The following CCSER1 variants were observed in gnomAD, a reference collection of about 807,000 sequenced individuals.
CCSER1 encodes coiled-coil serine rich protein 1, also known as serine-rich coiled-coil domain-containing protein 1.
Under a neutral mutation model 82.0 loss-of-function variants are expected in CCSER1, and 41 were observed. The observed-to-expected ratio is 0.50, with a 90% confidence interval of 0.39 to 0.65. CCSER1 has a LOEUF of 0.65. Among genes scored for constraint, CCSER1 ranks in the 30% least tolerant of loss-of-function variants. CCSER1 has a pLI of 0.00. For synonymous variants in CCSER1, 414 were observed against 383.9 expected (o/e 1.08, Z -0.92); for missense variants, 1,119 against 1,064.2 (o/e 1.05, Z -0.72).
intron 10 of CCSER1, among the ~76,000 whole-genome samples, chr4:91,506,817 T>C (rs79007058): frequency 0.065 from 9,923 of 152,216 alleles, 452 homozygotes; most frequent in South Asian, 0.17. Flanking sequence ...GCAGTCGGTC[T>C]CCCAAACCCT....
intron 5 of CCSER1, among the ~76,000 whole-genome samples, chr4:90,512,890 A>G (rs929836497): frequency 1.3e-5 from 2 of 152,200 alleles, no homozygotes; most frequent in African/African-American, 4.8e-5. Context: ...CAAATAACAC[A>G]TTTATTTATC....
chr4:90,852,250 G>A (rs1418933309), intron 8 of CCSER1, among the ~76,000 whole-genome samples: 1 of 152,176 alleles, frequency 6.6e-6, no homozygotes, highest in Non-Finnish European at 1.5e-5. Flanking sequence ...GTATAATTAT[G>A]GCTCATTGAA....
intron 10 of CCSER1, among the ~76,000 whole-genome samples, chr4:91,397,308 C>A (rs1752050064): frequency 1.3e-5 from 2 of 151,906 alleles, no homozygotes; most frequent in African/African-American, 4.8e-5. Context: ...ATATAAGAAA[C>A]AAACCATTTT....
intron 3 of CCSER1, among the ~76,000 whole-genome samples, chr4:90,322,170 T>C (rs1737268032): frequency 6.6e-6 from 1 of 152,166 alleles, no homozygotes; most frequent in Non-Finnish European, 1.5e-5. Flanking sequence ...TGGCAAGAGA[T>C]AGGCGTGTAG....
intron 10 of CCSER1, among the ~76,000 whole-genome samples, chr4:91,411,491 CATATATATATATATATATATATAT>C (rs770013398): frequency 1.9e-5 from 1 of 53,812 alleles, no homozygotes; most frequent in East Asian, 1.4e-3. Flanking sequence ...TGCATATATA[CATATATATATATATATATATATAT>C]ATATATATAT....
intron 4 of CCSER1, among the ~76,000 whole-genome samples, chr4:90,403,379 G>A (rs1578293943): frequency 6.7e-6 from 1 of 149,510 alleles, no homozygotes; most frequent in Non-Finnish European, 1.5e-5. Context: ...GGCGCCTGTA[G>A]TCCCAGCTAC....
At position 90,431,665 on chromosome 4, in the gene CCSER1, C is replaced by T. The variant is rs149738955; in HGVS notation, c.1603+31536C>T. On this transcript the variant is annotated intron_variant, in intron 4 of 10. Transcript: ENST00000509176. ...TTGCTTTTTATTAGTGTAGCCCTAACGTTCACTCAGTATTTGTATATCTTC... is the reference window on the plus strand; with the variant it reads ...TTGCTTTTTATTAGTGTAGCCCTAATGTTCACTCAGTATTTGTATATCTTC... Among the ~76,000 whole-genome samples the T allele has an allele frequency of 8.2e-3, 1,252 of 152,124 alleles. 60 individuals carry two copies. The highest frequency in any genetic ancestry group is 0.076 in the Admixed American group (1,157 of 15,240).
At chr4:90,466,866 T>C (rs1578617141) in intron 4 of CCSER1, among the ~76,000 whole-genome samples, 1 of 152,296 alleles carries the variant, frequency 6.6e-6, no homozygotes, top group East Asian at 1.9e-4. Context: ...TTGATATTTT[T>C]CCAATATAAA....
intron 10 of CCSER1, among the ~76,000 whole-genome samples, chr4:91,547,178 C>T (rs13108917): frequency 0.64 from 97,321 of 151,064 alleles, 31,511 homozygotes; most frequent in East Asian, 0.73. Context: ...TTGGAAAATG[C>T]TCCATATGAG....
intron 1 of CCSER1, among the ~76,000 whole-genome samples, chr4:90,146,869 A>G (rs1725906297): frequency 6.6e-6 from 1 of 152,134 alleles, no homozygotes; most frequent in African/African-American, 2.4e-5. Flanking sequence ...CTGTAACCAC[A>G]TGAATTATTT....
chr4:91,113,243 G>A (rs868048570), intron 10 of CCSER1, among the ~76,000 whole-genome samples: 1 of 152,122 alleles, frequency 6.6e-6, no homozygotes, highest in Non-Finnish European at 1.5e-5. Context: ...TACAACAAAC[G>A]CATGACATTG....
intron 5 of CCSER1, among the ~76,000 whole-genome samples, chr4:90,578,041 G>A (rs1780960074): frequency 6.6e-6 from 1 of 151,956 alleles, no homozygotes; most frequent in Non-Finnish European, 1.5e-5. Flanking sequence ...GTCAAACGTG[G>A]GTTAGACTCG....
intron 5 of CCSER1, among the ~76,000 whole-genome samples, chr4:90,510,450 T>G (rs896614324): frequency 6.6e-6 from 1 of 152,200 alleles, no homozygotes; most frequent in Non-Finnish European, 1.5e-5. Context: ...TTTTATGTCT[T>G]ATCTTAAAAA....
At chr4:91,020,596 G>A (rs530659725) in intron 9 of CCSER1, among the ~76,000 whole-genome samples, 7 of 152,076 alleles carry the variant, frequency 4.6e-5, no homozygotes, top group South Asian at 2.1e-4. Context: ...CAGAAGGCGG[G>A]GCTTGCAGTG....
chr4:91,047,618 A>T (rs1742626561), intron 9 of CCSER1, among the ~76,000 whole-genome samples: 1 of 152,096 alleles, frequency 6.6e-6, no homozygotes, highest in African/African-American at 2.4e-5. Flanking sequence ...CTTTATAATT[A>T]GTATTGTCAT....
intron 9 of CCSER1, among the ~76,000 whole-genome samples, chr4:91,046,114 G>A (rs1041328849): frequency 2.0e-5 from 3 of 152,032 alleles, no homozygotes; most frequent in African/African-American, 7.2e-5. Flanking sequence ...CAGGCCATCT[G>A]GATGTATATG....
At chr4:91,534,062 A>C (rs932401694) in intron 10 of CCSER1, among the ~76,000 whole-genome samples, 2 of 152,070 alleles carry the variant, frequency 1.3e-5, no homozygotes, top group East Asian at 3.9e-4. Flanking sequence ...ACTGTAGATT[A>C]TCTCTAGGAT....
chr4:90,524,462 T>G (rs1013680595), intron 5 of CCSER1, among the ~76,000 whole-genome samples: 1 of 152,140 alleles, frequency 6.6e-6, no homozygotes, highest in Non-Finnish European at 1.5e-5. Flanking sequence ...GATTGTTTTT[T>G]TTGTTGTTGT....
intron 6 of CCSER1, among the ~76,000 whole-genome samples, chr4:90,690,092 T>C (rs1481729351): frequency 6.6e-6 from 1 of 152,030 alleles, no homozygotes; most frequent in Non-Finnish European, 1.5e-5. Context: ...CACAAGAATA[T>C]GCAATGTTAA....
Sources: gnomAD v4.1 joint callset for allele counts (sites outside exome capture counted in the v4.1 genomes callset) on GRCh38, gnomAD v4.1.1 for gene constraint, MANE v1.5 for transcripts, NCBI Gene and HGNC (gene_info 2026-07-23, HGNC 2026-07-21) for gene names.